The following ZNF584 variants were observed in gnomAD, a reference collection of about 807,000 sequenced individuals.
The protein encoded by ZNF584 is zinc finger protein 584.
Under a neutral mutation model 14.7 loss-of-function variants are expected in ZNF584, and 12 were observed. That is an observed-to-expected ratio of 0.82 (90% CI 0.52 to 1.32). ZNF584 has a LOEUF of 1.32. Among genes scored for constraint, ZNF584 ranks in the 40% most tolerant of loss-of-function variants. The pLI, the probability that ZNF584 is intolerant of heterozygous loss-of-function variation, is 0.00. For missense variants in ZNF584, 478 were observed against 518.8 expected (o/e 0.92, Z 0.76); for synonymous variants, 204 against 190.9 (o/e 1.07, Z -0.57).
chr19:58,413,390 C>T (rs908611740), intron 2 of ZNF584, among the ~76,000 whole-genome samples: 2 of 151,664 alleles, frequency 1.3e-5, no homozygotes, highest in Non-Finnish European at 2.9e-5. Flanking sequence ...CTGTTGCCCA[C>T]GCTGGAATGC....
chr19:58,415,004 TGCCTAA>T (rs2052622497), intron 2 of ZNF584, among the ~76,000 whole-genome samples: 1 of 152,020 alleles, frequency 6.6e-6, no homozygotes, highest in Admixed American at 6.6e-5. Context: ...GCCATTCTCC[TGCCTAA>T]GCCTCCCGAG....
Position 58,410,667 on chromosome 19 carries a change from ATATATGTG to A in ZNF584, c.169+582_169+589del, listed in dbSNP as rs1367883218. ...TATGTGTATATATGTGTATATATGT[ATATATGTG>A]TATATATATGTATATATGTATATAT... is the stretch of plus-strand genomic sequence containing the variant. On this transcript the variant is annotated intron_variant, in intron 2 of 3. Coordinates refer to ENST00000306910, the MANE Select transcript of ZNF584 (RefSeq NM_173548.3). Among the ~76,000 whole-genome samples the A allele has an allele frequency of 3.4e-4, 4 of 11,902 alleles. 1 individual carries two copies. The highest frequency in any genetic ancestry group is 6.3e-4 in the Non-Finnish European group (4 of 6,300). The allele number at this position is 11,902 out of a possible 152,430, so 7.8% of individuals were successfully genotyped here.
At chr19:58,403,553 A>G (rs2052444631) in intron 1 of ZNF584, among the ~76,000 whole-genome samples, 1 of 152,206 alleles carries the variant, frequency 6.6e-6, no homozygotes, top group Non-Finnish European at 1.5e-5. Context: ...TAGTAGCACA[A>G]GTAATTTTTG....
rs1429304997 is a variant in ZNF584 at position 58,409,151 on chromosome 19, G to A, written c.4G>A (p.Ala2Thr). 2 of 1,447,274 alleles carry A rather than the reference G, an allele frequency of 1.4e-6. No individual in the cohort carries two copies. The highest frequency in any genetic ancestry group is 2.7e-5 in the Admixed American group (1 of 37,038). 89.7% of individuals were successfully genotyped at this position (1,447,274 alleles called of 1,614,324 possible). A position where few individuals can be genotyped will look rare whatever the true frequency, so the allele number is the denominator to read the frequency against. The change falls in exon 1 of 4, where the codon GCC (alanine) becomes ACC (threonine). Residue 2 changes from alanine to threonine, a missense_variant. By Grantham distance (58) the Ala-to-Thr change is moderately conservative (BLOSUM62 0). Transcript: ENST00000306910. M[A>T]GEAEAQLDPS... ...CGGGTTCTGCCCGCACGGTCCAATG[G>A]CCGGGGAGGCGGAGGTGAGCAGAGG...
chr19:58,402,133 T>G (rs1259436722), intron 1 of ZNF584, among the ~76,000 whole-genome samples: 2 of 152,102 alleles, frequency 1.3e-5, no homozygotes, highest in African/African-American at 2.4e-5. Flanking sequence ...GATCACATAG[T>G]TGATCCACTC....
Position 58,410,926 on chromosome 19 carries a change from G to A in ZNF584, c.169+835G>A, listed in dbSNP as rs142853155. Among the ~76,000 whole-genome samples the A allele has an allele frequency of 8.2e-3, 1,224 of 149,276 alleles. 11 individuals carry two copies. Among genetic ancestry groups the A allele is most frequent in the Non-Finnish European group, 0.011 (760 of 67,402 alleles). Reference sequence around the variant, plus strand: ...CCTGCCTCAGTCTCCCGAGTAGCTGGGACTACAGGCTCGCGCCACCATGCC... The same window carrying A: ...CCTGCCTCAGTCTCCCGAGTAGCTGAGACTACAGGCTCGCGCCACCATGCC... On this transcript the variant is annotated intron_variant, in intron 2 of 3. Transcript: ENST00000306910.
chr19:58,410,651 A>ATATATG (rs2052549978), intron 2 of ZNF584, among the ~76,000 whole-genome samples: 1 of 24,670 alleles, frequency 4.1e-5, no homozygotes, highest in Non-Finnish European at 6.8e-5. Flanking sequence ...ATATGTGTAT[A>ATATATG]TATGTGTATA....
chr19:58,415,173 G>A (rs535921131), intron 2 of ZNF584, among the ~76,000 whole-genome samples: 4 of 151,742 alleles, frequency 2.6e-5, no homozygotes, highest in Non-Finnish European at 4.4e-5. Flanking sequence ...GATTACAGGC[G>A]TGAGCCACTG....
chr19:58,417,377 C>G lies in ZNF584; in HGVS notation c.859C>G (p.Arg287Gly). Residue 287 changes from arginine (R) to glycine (G), a missense_variant, in exon 4 of 4, where the codon CGG becomes GGG. By Grantham distance (125) the Arg-to-Gly change is moderately radical. Coordinates refer to ENST00000306910, the MANE Select transcript of ZNF584 (RefSeq NM_173548.3). Reference sequence around the variant, plus strand: ...CTTCAGTGTTCTGTCTACCCTCATTCGGCACCGGAAAGTGCACATTGGAGA... The same window carrying G: ...CTTCAGTGTTCTGTCTACCCTCATTGGGCACCGGAAAGTGCACATTGGAGA... ...KTFSVLSTLIRHRKVHIGERP... is the reference protein window; with the variant it reads ...KTFSVLSTLIGHRKVHIGERP... 1 of 1,614,034 alleles carries G rather than the reference C, an allele frequency of 6.2e-7. No homozygotes were observed. The highest frequency in any genetic ancestry group is 1.1e-5 in the South Asian group (1 of 91,082).
At chr19:58,403,994 G>A (rs10417497), upstream of ZNF584, among the ~76,000 whole-genome samples, 12,115 of 150,514 alleles carry the variant, frequency 0.08, 1,516 homozygotes, top group African/African-American at 0.27. Flanking sequence ...CTAAAATGAG[G>A]TCCAATGAAG....
upstream of ZNF584, chr19:58,406,093 C>T (rs556967615): frequency 1.2e-5 from 2 of 161,962 alleles, no homozygotes; most frequent in East Asian, 3.6e-4. Context: ...TCTGCAATCC[C>T]GGCACCTCGG....
At chr19:58,402,118 G>T (rs1568578429) in intron 1 of ZNF584, among the ~76,000 whole-genome samples, 1 of 152,054 alleles carries the variant, frequency 6.6e-6, no homozygotes, top group Non-Finnish European at 1.5e-5. Context: ...AACGTAGGTT[G>T]ATAGGATCAC....
chr19:58,402,868 A>T (rs2052440930), intron 1 of ZNF584, among the ~76,000 whole-genome samples: 1 of 149,768 alleles, frequency 6.7e-6, no homozygotes, highest in African/African-American at 2.5e-5. Flanking sequence ...GTCTGAATAG[A>T]CCCCTCACCT....
At chr19:58,415,001 T>C (rs1184191735) in intron 2 of ZNF584, among the ~76,000 whole-genome samples, 1 of 152,050 alleles carries the variant, frequency 6.6e-6, no homozygotes, top group Non-Finnish European at 1.5e-5. Flanking sequence ...CATGCCATTC[T>C]CCTGCCTAAG....
chr19:58,416,112 T>C, intron 3 of ZNF584: 1 of 668,758 alleles, frequency 1.5e-6, no homozygotes, highest in Non-Finnish European at 2.5e-6. Flanking sequence ...CCACCTCTCT[T>C]CCCTGCACCA....
At chr19:58,402,086 T>A (rs2052435399) in intron 1 of ZNF584, among the ~76,000 whole-genome samples, 1 of 151,754 alleles carries the variant, frequency 6.6e-6, no homozygotes, top group South Asian at 2.1e-4. Flanking sequence ...GTAAAGTGTT[T>A]TTTTAAATGC....
At position 58,417,906 on chromosome 19, in the gene ZNF584, G is replaced by T; in HGVS notation, c.*122G>T. The stretch of plus-strand genomic sequence containing the variant: ...AACACCCACCCCAGGGAGAGTTCCC[G>T]TGTGTGCCTGGTGTGTGGGACGCTT... On this transcript the variant is annotated 3_prime_UTR_variant, in exon 4 of 4. Transcript: ENST00000306910. The T allele has an allele frequency of 7.8e-7, 1 of 1,276,784 alleles. No individual in the cohort carries two copies. Among genetic ancestry groups the T allele is most frequent in the Non-Finnish European group, 1.1e-6 (1 of 927,576 alleles). The allele number at this position is 1,276,784 out of a possible 1,614,324, so 79.1% of individuals were successfully genotyped here.
chr19:58,409,833 T>C (rs1028023141), intron 1 of ZNF584, 108 bp from the exon 2 acceptor site: 74 of 1,340,152 alleles, frequency 5.5e-5, no homozygotes, highest in Non-Finnish European at 7.9e-5. Flanking sequence ...TAGGGAAAGA[T>C]AATGTCAGGG....
chr19:58,410,380 T>G (rs1203822940), intron 2 of ZNF584, among the ~76,000 whole-genome samples: 1 of 151,320 alleles, frequency 6.6e-6, no homozygotes, highest in Non-Finnish European at 1.5e-5. Context: ...CACCAAGCTC[T>G]GCCTTTTCCT....
Sources: gnomAD v4.1 joint callset for allele counts (sites outside exome capture counted in the v4.1 genomes callset) on GRCh38, gnomAD v4.1.1 for gene constraint, MANE v1.5 for transcripts, NCBI Gene and HGNC (gene_info 2026-07-23, HGNC 2026-07-21) for gene names.